The following ROCK2 variants were observed in gnomAD, a reference collection of about 807,000 sequenced individuals.
The protein encoded by ROCK2 is rho-associated protein kinase 2.
In ROCK2, 61 loss-of-function variants were observed where a neutral mutation model predicts 195.1. The ratio of observed to expected loss-of-function variants is 0.31; its 90% CI spans 0.25 to 0.39. The LOEUF (loss-of-function observed/expected upper bound fraction) is 0.39. ROCK2 is among the 10% of genes least tolerant of loss of function. The pLI is 1.00. For missense variants in ROCK2, 1,109 were observed against 1,637.4 expected (o/e 0.68, Z 5.57); for synonymous variants, 504 against 545.5 (o/e 0.92, Z 1.06).
chr2:11,318,473 A>T (rs953716822), intron 1 of ROCK2, among the ~76,000 whole-genome samples: 1 of 151,714 alleles, frequency 6.6e-6, no homozygotes, highest in African/African-American at 2.4e-5. Context: ...TTTTTCTTGT[A>T]AATTTGAGTT....
At chr2:11,222,618 T>G (rs1459023308) in intron 7 of ROCK2, among the ~76,000 whole-genome samples, 1 of 152,180 alleles carries the variant, frequency 6.6e-6, no homozygotes, top group Admixed American at 6.5e-5. Flanking sequence ...ATATTATGTT[T>G]GAAGCTATCC....
upstream of ROCK2, among the ~76,000 whole-genome samples, chr2:11,344,945 G>GACCCCGCGGACT (rs1572437981): frequency 1.4e-5 from 2 of 146,290 alleles, no homozygotes; most frequent in East Asian, 4.2e-4. This position sits in a 1 kb window ranked among gnomAD's most constrained non-coding sequence, Gnocchi z 5.4. Context: ...CCTCCCGCCG[G>GACCCCGCGGACT]ACCCCGCGGA....
In ROCK2 at chr2:11,318,681, CT is replaced by C. The variant is rs200460218; in HGVS notation, c.141+25314del. Among the ~76,000 whole-genome samples, 1,071 of 152,248 alleles carry C rather than the reference CT, an allele frequency of 7.0e-3. 15 individuals are homozygous for C. The highest frequency in any genetic ancestry group is 0.025 in the African/African-American group (1,019 of 41,524). The stretch of plus-strand genomic sequence containing the variant: ...TTAGACATGAAGTCCTTGCCCATGC[CT>C]ATCTCCTGAATGGTATTGCCTAGGT... On this transcript the variant is annotated intron_variant, in intron 1 of 32. Coordinates refer to ENST00000315872, the MANE Select transcript of ROCK2 (RefSeq NM_004850.5).
chr2:11,192,815 C>T lies in ROCK2; in HGVS notation c.3688-103G>A. The stretch of plus-strand genomic sequence containing the variant: ...TAAAATAAAATTAGCCTAAATTATT[C>T]AAAGAGAAGAAAATGTATCTGAAGT... On this transcript the variant is annotated intron_variant, in intron 30 of 32. Transcript: ENST00000315872. This position sits in a 1 kb window ranked among gnomAD's most constrained non-coding sequence, Gnocchi z 5.0. The T allele has an allele frequency of 1.6e-6, 2 of 1,280,710 alleles. No homozygotes were observed. Among genetic ancestry groups the T allele is most frequent in the Non-Finnish European group, 2.1e-6 (2 of 947,812 alleles). 79.3% of individuals were successfully genotyped at this position (1,280,710 alleles called of 1,614,324 possible).
At chr2:11,296,863 C>T (rs532522953) in intron 1 of ROCK2, among the ~76,000 whole-genome samples, 1 of 151,668 alleles carries the variant, frequency 6.6e-6, no homozygotes, top group African/African-American at 2.4e-5. Flanking sequence ...AGGTTAGGTA[C>T]TAGTCACTGT....
intron 1 of ROCK2, among the ~76,000 whole-genome samples, chr2:11,304,132 T>C (rs1459538904): frequency 6.6e-6 from 1 of 152,192 alleles, no homozygotes; most frequent in Non-Finnish European, 1.5e-5. Flanking sequence ...TCTTTAAATA[T>C]GTGCTGATGG....
In ROCK2 at chr2:11,343,935, G is replaced by A. The variant is rs968109041; in HGVS notation, c.141+61C>T. ...CGGGCGGACGGGCACGGAGGGCTGGGCGGAGAGGGGATCTGAGGTGTGAGC... is the reference window on the plus strand; with the variant it reads ...CGGGCGGACGGGCACGGAGGGCTGGACGGAGAGGGGATCTGAGGTGTGAGC... On this transcript the variant is annotated intron_variant, in intron 1 of 32. Coordinates refer to ENST00000315872, the MANE Select transcript of ROCK2 (RefSeq NM_004850.5). 34 of 1,540,810 alleles carry A rather than the reference G, an allele frequency of 2.2e-5. No homozygotes were observed. The African/African-American group carries it at 4.6e-4, about 21-fold the overall frequency.
At chr2:11,331,566 C>A (rs1229580398) in intron 1 of ROCK2, among the ~76,000 whole-genome samples, 1 of 125,784 alleles carries the variant, frequency 8.0e-6, no homozygotes, top group Non-Finnish European at 1.7e-5. Context: ...AAGATGAACA[C>A]AGAGCAGAAT....
At chr2:11,205,439 T>TC in intron 20 of ROCK2, among the ~76,000 whole-genome samples, 1 of 152,202 alleles carries the variant, frequency 6.6e-6, no homozygotes, top group East Asian at 1.9e-4. Context: ...CTTCTTGCCC[T>TC]CCAACCCATT....
At position 11,317,627 on chromosome 2, in the gene ROCK2, T is replaced by TTTTTTTTTTTTTTTTA. The variant is rs1192587957; in HGVS notation, c.141+26368_141+26369insTAAAAAAAAAAAAAAA. On this transcript the variant is annotated intron_variant, in intron 1 of 32. Coordinates refer to ENST00000315872, the MANE Select transcript of ROCK2 (RefSeq NM_004850.5). ...ATATATATATATTTTTTTTTTTTTT[T>TTTTTTTTTTTTTTTTA]AATTATACTTTAAGTTCTAGGGTAC... 8.9e-4 allele frequency among the ~76,000 whole-genome samples: 28 copies of TTTTTTTTTTTTTTTTA among 31,428 alleles called. 1 individual carries two copies. Among genetic ancestry groups the TTTTTTTTTTTTTTTTA allele is most frequent in the Non-Finnish European group, 1.1e-3 (16 of 14,046 alleles). The allele number at this position is 31,428 out of a possible 152,430, so 20.6% of individuals were successfully genotyped here.
chr2:11,342,148 C>T (rs1225558360), intron 1 of ROCK2, among the ~76,000 whole-genome samples: 3 of 152,200 alleles, frequency 2.0e-5, no homozygotes, highest in African/African-American at 7.2e-5. Context: ...GAATAAGGGA[C>T]GCATTTTGGC....
intron 3 of ROCK2, among the ~76,000 whole-genome samples, chr2:11,251,432 T>TC: frequency 6.6e-6 from 1 of 152,236 alleles, no homozygotes; most frequent in East Asian, 1.9e-4. Flanking sequence ...AGGTATTATT[T>TC]CCCCATACTA....
chr2:11,184,010 TA>T (rs1337339311), intron 32 of ROCK2, among the ~76,000 whole-genome samples: 2 of 152,248 alleles, frequency 1.3e-5, no homozygotes, highest in Non-Finnish European at 2.9e-5. Flanking sequence ...TAAATCCTTC[TA>T]TGTAAAAGGT....
intron 3 of ROCK2, among the ~76,000 whole-genome samples, chr2:11,250,871 T>C (rs1369413873): frequency 1.3e-5 from 2 of 152,188 alleles, no homozygotes. Context: ...GTCATCCTTC[T>C]AGAATATAAA....
chr2:11,328,007 G>C (rs560129190), intron 1 of ROCK2, among the ~76,000 whole-genome samples: 2 of 152,266 alleles, frequency 1.3e-5, no homozygotes, highest in South Asian at 2.1e-4. Context: ...AAAGAGTATA[G>C]AGAACATGGT....
At position 11,202,705 on chromosome 2, in the gene ROCK2, C is replaced by A. The variant is rs529084937; in HGVS notation, c.2550-584G>T. Among the ~76,000 whole-genome samples the A allele has an allele frequency of 3.3e-4, 50 of 152,048 alleles. 1 individual carries two copies. The South Asian group carries it at 0.01, about 31-fold the overall frequency. Reference sequence around the variant, plus strand: ...TAGAGACGGGGTTTCACCGTGTTAGCCAGGATGGTCTCGATCTCCTGACCT... The same window carrying A: ...TAGAGACGGGGTTTCACCGTGTTAGACAGGATGGTCTCGATCTCCTGACCT... On this transcript the variant is annotated intron_variant, in intron 20 of 32. Transcript: ENST00000315872.
chr2:11,226,716 A>AT (rs1237622845), intron 6 of ROCK2, among the ~76,000 whole-genome samples: 1 of 151,936 alleles, frequency 6.6e-6, no homozygotes, highest in East Asian at 1.9e-4. Flanking sequence ...GTTTGAAACT[A>AT]GCCTGGGCAA....
chr2:11,266,599 T>C lies in ROCK2; in HGVS notation c.325-16801A>G, dbSNP rs531445470. On this transcript the variant is annotated intron_variant, in intron 3 of 32. Transcript: ENST00000315872. Reference sequence around the variant, plus strand: ...CATAAAAGGACAAATTTGCACCAACTATTATAAAACTTTCTTCAAATGTCT... The same window carrying C: ...CATAAAAGGACAAATTTGCACCAACCATTATAAAACTTTCTTCAAATGTCT... Among the ~76,000 whole-genome samples the C allele has an allele frequency of 2.0e-5, 3 of 152,340 alleles. No homozygotes were observed. The South Asian group carries it at 6.2e-4, about 32-fold the overall frequency.
In ROCK2 at chr2:11,180,391, G is replaced by A. The variant is rs1572205815; in HGVS notation, c.*3046C>T. ...ACTCTAACACAGGTTAGTTTTAAAGGCACTAACCTTTACTTTGGCTTTACT... is the reference window on the plus strand; with the variant it reads ...ACTCTAACACAGGTTAGTTTTAAAGACACTAACCTTTACTTTGGCTTTACT... On this transcript the variant is annotated 3_prime_UTR_variant, in exon 33 of 33. Transcript: ENST00000315872. The A allele has an allele frequency of 6.6e-6, 1 of 152,020 alleles. No homozygotes were observed. Among genetic ancestry groups the A allele is most frequent in the African/African-American group, 2.4e-5 (1 of 41,398 alleles). 9.4% of individuals were successfully genotyped at this position (152,020 alleles called of 1,614,324 possible).
Sources: gnomAD v4.1 joint callset for allele counts (sites outside exome capture counted in the v4.1 genomes callset) on GRCh38, gnomAD v4.1.1 for gene constraint, Gnocchi (gnomAD v3.1) non-coding constraint, MANE v1.5 for transcripts, NCBI Gene and HGNC (gene_info 2026-07-23, HGNC 2026-07-21) for gene names.